Variants in UBE3A observed in about 807,000 individuals in gnomAD.
The protein encoded by UBE3A is ubiquitin protein ligase E3A, also known as ubiquitin-protein ligase E3A.
In UBE3A, 6 loss-of-function variants were observed where a neutral mutation model predicts 83.4. The observed-to-expected ratio is 0.07, with a 90% CI of 0.04 to 0.14. UBE3A has a LOEUF of 0.14. Among genes scored for constraint, UBE3A ranks in the 10% least tolerant of loss-of-function variants. UBE3A has a pLI of 1.00. For synonymous variants in UBE3A, 337 were observed against 355.4 expected (o/e 0.95, Z 0.58); for missense variants, 456 against 1,036.1 (o/e 0.44, Z 7.69).
At chr15:25,418,092 GAATA>G (rs1181982332) in intron 1 of UBE3A, 1 of 152,084 alleles carries the variant, frequency 6.6e-6, no homozygotes, top group Non-Finnish European at 1.5e-5. Context: ...TATACTGAAT[GAATA>G]CTGTAAGCAA....
intron 4 of UBE3A, among the ~76,000 whole-genome samples, chr15:25,394,328 C>G (rs1420955731): frequency 6.6e-6 from 1 of 152,056 alleles, no homozygotes; most frequent in Non-Finnish European, 1.5e-5. Flanking sequence ...ATTATTTGAC[C>G]TTGAAGGGAA....
In UBE3A at chr15:25,337,813, G is replaced by A. The variant is rs560982356; in HGVS notation, c.*1324C>T. On this transcript the variant is annotated 3_prime_UTR_variant, in exon 13 of 13. Coordinates refer to ENST00000648336, the MANE Select transcript of UBE3A (RefSeq NM_130839.5). The stretch of plus-strand genomic sequence containing the variant: ...CCTTTTATTTTATAATGCAATAAAA[G>A]AAATTAACAACATCACATACACAGA... 6.6e-6 allele frequency: 1 copy of A among 152,216 alleles called. No homozygotes were observed. The highest frequency in any genetic ancestry group is 2.4e-5 in the African/African-American group (1 of 41,548). 9.4% of individuals were successfully genotyped at this position (152,216 alleles called of 1,614,324 possible).
intron 4 of UBE3A, among the ~76,000 whole-genome samples, chr15:25,400,251 C>T (rs972558037): frequency 3.9e-5 from 6 of 152,182 alleles, no homozygotes; most frequent in African/African-American, 1.4e-4. Flanking sequence ...AATCATCCCT[C>T]GGTATCTGCA....
chr15:25,375,514 G>A lies in UBE3A; in HGVS notation c.312C>T (p.Ser104=). Residue 104 remains serine, a synonymous_variant, in exon 5 of 13, where the codon TCC becomes TCT. Transcript: ENST00000648336. ...LENSKGAPNN[S]CSEIKMNKKG... ...TCTTGTTCATTTTTATCTCAGAGCA[G>A]GAGTTGTTGGGGGCACCTTTCGAGT... 4 of 1,614,164 alleles carry A rather than the reference G, an allele frequency of 2.5e-6. No homozygotes were observed. Among genetic ancestry groups the A allele is most frequent in the Non-Finnish European group, 3.4e-6 (4 of 1,180,040 alleles).
chr15:25,431,013 A>G (rs1893291989), intron 1 of UBE3A, among the ~76,000 whole-genome samples: 1 of 152,226 alleles, frequency 6.6e-6, no homozygotes, highest in African/African-American at 2.4e-5. Context: ...AATATGCATG[A>G]TTTGAAATGC....
At chr15:25,364,641 G>GTTTTTTTTTTTTTTT (rs1260418313) in intron 6 of UBE3A, among the ~76,000 whole-genome samples, 1 of 132,482 alleles carries the variant, frequency 7.5e-6, no homozygotes, top group African/African-American at 3.1e-5. Flanking sequence ...GGTTTTTTTT[G>GTTTTTTTTTTTTTTT]TTTGTTTTTT....
chr15:25,368,454 G>C (rs994137585), intron 6 of UBE3A, among the ~76,000 whole-genome samples: 5 of 152,058 alleles, frequency 3.3e-5, no homozygotes, highest in African/African-American at 1.2e-4. Flanking sequence ...CTTAGTGTGA[G>C]CATTCAGAGC....
intron 6 of UBE3A, among the ~76,000 whole-genome samples, chr15:25,363,452 G>C (rs532232979): frequency 6.6e-6 from 1 of 152,230 alleles, no homozygotes; most frequent in African/African-American, 2.4e-5. Flanking sequence ...CACTTTTGTA[G>C]CATTTCACAC....
chr15:25,384,429 C>T (rs1282502318), intron 4 of UBE3A, among the ~76,000 whole-genome samples: 5 of 148,330 alleles, frequency 3.4e-5, no homozygotes, highest in Non-Finnish European at 7.4e-5. Context: ...CCACTCTACT[C>T]CAGCCTGGTG....
chr15:25,425,004 A>T (rs1019363074), intron 1 of UBE3A, among the ~76,000 whole-genome samples: 3 of 152,258 alleles, frequency 2.0e-5, no homozygotes, highest in African/African-American at 7.2e-5. Flanking sequence ...TTTGCAAGCT[A>T]ACCCTAAAAT....
intron 11 of UBE3A, chr15:25,353,890 G>A (rs11855196): frequency 0.34 from 63,272 of 185,404 alleles, 14,334 homozygotes; most frequent in African/African-American, 0.69. Context: ...TAGTTTTTTA[G>A]GGTGTAAAAT....
At chr15:25,425,213 G>C (rs1412522850) in intron 1 of UBE3A, among the ~76,000 whole-genome samples, 1 of 151,964 alleles carries the variant, frequency 6.6e-6, no homozygotes, top group Non-Finnish European at 1.5e-5. Context: ...ACACACAAAA[G>C]GACACATACT....
chr15:25,342,383 T>A (rs553989979), intron 11 of UBE3A, among the ~76,000 whole-genome samples: 1 of 151,852 alleles, frequency 6.6e-6, no homozygotes, highest in South Asian at 2.1e-4. Context: ...GGCTATATTA[T>A]TACGGAGCTG....
chr15:25,402,524 C>T lies in UBE3A; in HGVS notation c.62+2937G>A, dbSNP rs145272931. Among the ~76,000 whole-genome samples, 96 of 152,322 alleles carry T rather than the reference C, an allele frequency of 6.3e-4. 1 individual carries two copies. The East Asian group carries it at 0.018, about 29-fold the overall frequency. On this transcript the variant is annotated intron_variant, in intron 4 of 12. Coordinates refer to ENST00000648336, the MANE Select transcript of UBE3A (RefSeq NM_130839.5). ...CCCTAGCACTAGACAGGCTTAGAGC[C>T]TAGGGCTGTGGGATCCAGCTTGGTG...
At chr15:25,388,696 T>TA (rs1217017980) in intron 4 of UBE3A, among the ~76,000 whole-genome samples, 1 of 151,654 alleles carries the variant, frequency 6.6e-6, no homozygotes, top group Non-Finnish European at 1.5e-5. Flanking sequence ...GTGTAGAACA[T>TA]AGACAGGAAT....
intron 1 of UBE3A, among the ~76,000 whole-genome samples, chr15:25,424,605 C>G (rs1170280210): frequency 6.6e-6 from 1 of 151,952 alleles, no homozygotes; most frequent in African/African-American, 2.4e-5. Flanking sequence ...GAAATGTTTA[C>G]TAAGTGAATC....
chr15:25,409,270 A>G (rs1378299598), intron 2 of UBE3A, 63 bp from the exon 3 acceptor site: 1 of 512,144 alleles, frequency 2.0e-6, no homozygotes, highest in Non-Finnish European at 3.5e-6. Context: ...TCATTGTTCA[A>G]AAAATAATAT....
At position 25,435,231 on chromosome 15, in the gene UBE3A, TACACACACACACAC is replaced by T. The variant is rs56786510; in HGVS notation, c.-165+3244_-165+3257del. Among the ~76,000 whole-genome samples, 48 of 143,732 alleles carry T rather than the reference TACACACACACACAC, an allele frequency of 3.3e-4. 3 individuals carry two copies. Among genetic ancestry groups the T allele is most frequent in the Admixed American group, 1.7e-3 (25 of 14,506 alleles). 94.3% of individuals were successfully genotyped at this position (143,732 alleles called of 152,430 possible). A position where few individuals can be genotyped will look rare whatever the true frequency, so the allele number is the denominator to read the frequency against. The stretch of plus-strand genomic sequence containing the variant: ...GAAGTTCCATTATGTGATAGGGTTT[TACACACACACACAC>T]ACACACACACACACAAATGTGAGAA... On this transcript the variant is annotated intron_variant, in intron 1 of 12. Coordinates refer to ENST00000648336, the MANE Select transcript of UBE3A (RefSeq NM_130839.5).
intron 12 of UBE3A, 79 bp downstream of exon 12, chr15:25,340,004 CTA>C (rs2074470798): frequency 5.8e-6 from 9 of 1,559,828 alleles, no homozygotes; most frequent in South Asian, 1.1e-5. Context: ...TGCTCAGAAA[CTA>C]TAAAGACAGT....
Sources: allele counts gnomAD v4.1 joint callset (sites outside exome capture counted in the v4.1 genomes callset), GRCh38; gene constraint gnomAD v4.1.1; transcripts MANE v1.5; gene names NCBI Gene and HGNC (gene_info 2026-07-23, HGNC 2026-07-21).